The following PREX2 variants were observed in gnomAD, a reference collection of about 807,000 sequenced individuals.
The protein encoded by PREX2 is phosphatidylinositol 3,4,5-trisphosphate-dependent Rac exchanger 2 protein.
Under a neutral mutation model 203.2 loss-of-function variants are expected in PREX2, and 107 were observed. The ratio of observed to expected loss-of-function variants is 0.53; its 90% CI spans 0.45 to 0.62. PREX2 has a LOEUF of 0.62. PREX2 is among the 20% of genes least tolerant of loss of function. The pLI, the probability that PREX2 is intolerant of heterozygous loss-of-function variation, is 0.00. For missense variants in PREX2, 1,777 were observed against 1,955.9 expected (o/e 0.91, Z 1.72); for synonymous variants, 672 against 663.6 (o/e 1.01, Z -0.19).
intron 6 of PREX2, among the ~76,000 whole-genome samples, chr8:68,036,188 G>A (rs566018155): frequency 1.3e-5 from 2 of 152,214 alleles, no homozygotes; most frequent in Admixed American, 6.5e-5. Flanking sequence ...TCAAACGAAC[G>A]AACAGGATGG....
intron 34 of PREX2, among the ~76,000 whole-genome samples, chr8:68,149,212 A>G (rs1443774689): frequency 6.6e-6 from 1 of 152,156 alleles, no homozygotes; most frequent in Non-Finnish European, 1.5e-5. Context: ...CCTTGCCTCC[A>G]TGGATCACTG....
intron 34 of PREX2, among the ~76,000 whole-genome samples, chr8:68,147,898 A>G (rs537181924): frequency 6.6e-6 from 1 of 152,328 alleles, no homozygotes; most frequent in African/African-American, 2.4e-5. Flanking sequence ...GAACAAAAAA[A>G]GAAGCAGTGG....
intron 30 of PREX2, among the ~76,000 whole-genome samples, chr8:68,122,187 A>G (rs537821039): frequency 3.3e-5 from 5 of 152,230 alleles, no homozygotes; most frequent in Admixed American, 6.5e-5. Context: ...TGTGATTACT[A>G]AGTCTTCTGC....
chr8:68,090,423 T>C (rs1163420856), intron 19 of PREX2, among the ~76,000 whole-genome samples, 156 bp from the exon 20 acceptor site: 1 of 152,170 alleles, frequency 6.6e-6, no homozygotes, highest in Non-Finnish European at 1.5e-5. Flanking sequence ...AGCAGAAAAG[T>C]GTTGAGTGGG....
chr8:68,091,161 G>A (rs1394949862), intron 20 of PREX2, among the ~76,000 whole-genome samples: 1 of 152,164 alleles, frequency 6.6e-6, no homozygotes, highest in Non-Finnish European at 1.5e-5. Flanking sequence ...GATTGATTTT[G>A]AGGTATATTT....
intron 1 of PREX2, among the ~76,000 whole-genome samples, chr8:67,961,950 T>A (rs1419391268): frequency 6.6e-6 from 1 of 152,156 alleles, no homozygotes; most frequent in Admixed American, 6.5e-5. Context: ...AATTGTATAG[T>A]ACTTAAGAAA....
intron 1 of PREX2, among the ~76,000 whole-genome samples, chr8:68,016,371 T>A (rs538367672): frequency 1.1e-3 from 171 of 152,210 alleles, no homozygotes; most frequent in Non-Finnish European, 2.1e-3. Flanking sequence ...AGACATCTCG[T>A]ATACACATGT....
At chr8:68,099,542 G>T (rs916514948) in intron 22 of PREX2, 140 bp from the exon 23 acceptor site, 3 of 731,130 alleles carry the variant, frequency 4.1e-6, no homozygotes, top group Admixed American at 3.1e-5. Flanking sequence ...AAATAGGAAA[G>T]TTGCCCTGTA....
chr8:68,105,745 A>C, intron 23 of PREX2: 4 of 177,802 alleles, frequency 2.2e-5, no homozygotes, highest in Non-Finnish European at 3.1e-5. Flanking sequence ...ATATATATAT[A>C]CATATATATG....
At chr8:68,213,788 T>C (rs1283983868) in intron 37 of PREX2, among the ~76,000 whole-genome samples, 4 of 152,246 alleles carry the variant, frequency 2.6e-5, no homozygotes, top group Non-Finnish European at 5.9e-5. Context: ...CAAGTGTGCT[T>C]CCTCACATGT....
chr8:68,116,123 A>C (rs1810652832), intron 26 of PREX2, among the ~76,000 whole-genome samples, 191 bp downstream of exon 26: 1 of 152,220 alleles, frequency 6.6e-6, no homozygotes, highest in Non-Finnish European at 1.5e-5. Context: ...TCCCTTTTCT[A>C]ATATGAGTAG....
chr8:67,975,657 A>G (rs12679720), intron 1 of PREX2, among the ~76,000 whole-genome samples: 46,759 of 137,240 alleles, frequency 0.34, 8,679 homozygotes, highest in East Asian at 0.61. Flanking sequence ...CAGCTAGTAT[A>G]CTTAATATTT....
intron 1 of PREX2, among the ~76,000 whole-genome samples, chr8:68,009,838 G>T (rs13273713): frequency 1.3e-5 from 2 of 152,270 alleles, no homozygotes; most frequent in Admixed American, 1.3e-4. Flanking sequence ...GTAGCACCTA[G>T]AAGAAGGCAG....
chr8:68,035,763 T>G (rs1299710747), intron 6 of PREX2, among the ~76,000 whole-genome samples: 2 of 152,162 alleles, frequency 1.3e-5, no homozygotes, highest in Non-Finnish European at 2.9e-5. Flanking sequence ...ATTACTGTGG[T>G]AGAAGATGGT....
intron 23 of PREX2, chr8:68,105,118 C>T (rs1371444142): frequency 7.3e-7 from 1 of 1,366,052 alleles, no homozygotes; most frequent in Admixed American, 1.9e-5. Flanking sequence ...AATTCAAGAA[C>T]TGTACCTTCC....
At chr8:68,119,200 A>G (rs1450475692) in intron 27 of PREX2, among the ~76,000 whole-genome samples, 12 of 152,230 alleles carry the variant, frequency 7.9e-5, no homozygotes, top group Non-Finnish European at 1.6e-4. Flanking sequence ...ACATCATTTG[A>G]AAGAGTCTTT....
chr8:68,120,703 G>A (rs1810754478), intron 29 of PREX2, among the ~76,000 whole-genome samples: 1 of 152,102 alleles, frequency 6.6e-6, no homozygotes, highest in African/African-American at 2.4e-5. Context: ...AATGAAAGTA[G>A]AGTTTTCATC....
chr8:68,229,896 G>A (rs571535610), intron 39 of PREX2, among the ~76,000 whole-genome samples: 4 of 152,304 alleles, frequency 2.6e-5, no homozygotes, highest in African/African-American at 7.2e-5. Context: ...GCAATTTGAA[G>A]TAACACCATA....
rs372420573 is a variant in PREX2 at position 68,134,066 on chromosome 8, G to A, written c.3774G>A (p.Glu1258=). 39 of 1,613,628 alleles carry A rather than the reference G, an allele frequency of 2.4e-5. No homozygotes were observed. In the African/African-American group the frequency reaches 3.6e-4, roughly 15 times the overall value. ...TGTTCTCTTTGATCACAGATAGTGA[G>A]ACACAGCTCCGTAGAGACATGGTTT... ...LLALLEYSDS[E]TQLRRDMVFC... The change falls in exon 32 of 40, where the codon GAG becomes GAA. Residue 1258 remains glutamate, a synonymous_variant. Coordinates refer to ENST00000288368, the MANE Select transcript of PREX2 (RefSeq NM_024870.4).
Sources: allele counts gnomAD v4.1 joint callset (sites outside exome capture counted in the v4.1 genomes callset), GRCh38; gene constraint gnomAD v4.1.1; transcripts MANE v1.5; gene names NCBI Gene and HGNC (gene_info 2026-07-23, HGNC 2026-07-21).